Variants in APBB2 observed in about 807,000 individuals in gnomAD.
The protein encoded by APBB2 is amyloid beta precursor protein binding family B member 2.
In APBB2, 38 loss-of-function variants were observed where a neutral mutation model predicts 82.5. The observed-to-expected ratio is 0.46, with a 90% CI of 0.36 to 0.60. APBB2 has a LOEUF of 0.60. Among genes scored for constraint, APBB2 ranks in the 20% least tolerant of loss-of-function variants. The pLI, the probability that APBB2 is intolerant of heterozygous loss-of-function variation, is 0.00. For synonymous variants in APBB2, 341 were observed against 368.2 expected, an observed-to-expected ratio of 0.93 and a Z score of 0.85; for missense variants, 772 against 972.3, an observed-to-expected ratio of 0.79 and a Z score of 2.74.
intron 2 of APBB2, among the ~76,000 whole-genome samples, chr4:41,116,609 C>T (rs747816704): frequency 2.0e-5 from 3 of 151,718 alleles, no homozygotes; most frequent in Non-Finnish European, 2.9e-5. Context: ...CCAACATGGG[C>T]GACAAGAGCG....
At chr4:41,135,622 T>C (rs1192151865) in intron 2 of APBB2, among the ~76,000 whole-genome samples, 1 of 152,220 alleles carries the variant, frequency 6.6e-6, no homozygotes, top group Non-Finnish European at 1.5e-5. Context: ...CTTGTATCAG[T>C]AATTATATTA....
At chr4:41,069,303 G>A (rs1157323541) in intron 3 of APBB2, among the ~76,000 whole-genome samples, 2 of 152,122 alleles carry the variant, frequency 1.3e-5, no homozygotes, top group East Asian at 1.9e-4. Flanking sequence ...TCTCCTGAAC[G>A]CTTTTCCATC....
chr4:41,072,643 G>A (rs913320949), intron 3 of APBB2, among the ~76,000 whole-genome samples: 3 of 152,146 alleles, frequency 2.0e-5, no homozygotes, highest in African/African-American at 4.8e-5. Flanking sequence ...TTCAAATAGT[G>A]TTCCTTAAGC....
chr4:40,972,352 C>T (rs191569785), intron 6 of APBB2, among the ~76,000 whole-genome samples: 4,386 of 151,494 alleles, frequency 0.029, 225 homozygotes, highest in African/African-American at 0.1. Context: ...GGCATGAACC[C>T]GGGAGGCAGA....
chr4:41,045,802 T>C (rs1416659448), intron 4 of APBB2, among the ~76,000 whole-genome samples: 1 of 152,240 alleles, frequency 6.6e-6, no homozygotes, highest in Non-Finnish European at 1.5e-5. Flanking sequence ...GTCCGTTTCA[T>C]TCATTAGCAT....
At chr4:41,050,537 C>T (rs1725560657) in intron 4 of APBB2, among the ~76,000 whole-genome samples, 1 of 152,190 alleles carries the variant, frequency 6.6e-6, no homozygotes, top group Non-Finnish European at 1.5e-5. Flanking sequence ...TTCATCTTTC[C>T]TATGTAGCCA....
intron 2 of APBB2, among the ~76,000 whole-genome samples, chr4:41,109,043 T>C (rs115902454): frequency 2.7e-4 from 41 of 152,320 alleles, no homozygotes; most frequent in Non-Finnish European, 5.3e-4. Context: ...TTAAATATCT[T>C]TGCCACACAG....
rs1157928837 is a variant in APBB2, at chr4:41,036,880, A to T, written c.-50-3576T>A. Among the ~76,000 whole-genome samples the T allele has an allele frequency of 4.6e-5, 7 of 152,306 alleles. No individual in the cohort carries two copies. In the East Asian group the frequency reaches 7.7e-4, roughly 17 times the overall value. ...TTAAAACAGTTTCTGAGAGGAACTT[A>T]GGGGCATGGACTAATTCTACATAAA... is the stretch of plus-strand genomic sequence containing the variant. On this transcript the variant is annotated intron_variant, in intron 4 of 17. Coordinates refer to ENST00000508593, the MANE Select transcript of APBB2 (RefSeq NM_004307.2).
chr4:41,163,259 A>G (rs185840683), intron 1 of APBB2, among the ~76,000 whole-genome samples: 5 of 152,340 alleles, frequency 3.3e-5, no homozygotes, highest in Admixed American at 2.6e-4. Flanking sequence ...TAGACCACAT[A>G]TCTGCTGAGA....
chr4:40,947,163 C>G (rs565581102), intron 6 of APBB2, among the ~76,000 whole-genome samples: 7 of 152,176 alleles, frequency 4.6e-5, no homozygotes, highest in South Asian at 2.1e-4. Context: ...ATTTTGTTTT[C>G]GGCATCTCAA....
chr4:41,196,062 G>A, intron 1 of APBB2, among the ~76,000 whole-genome samples: 28 of 152,048 alleles, frequency 1.8e-4, no homozygotes, highest in Non-Finnish European at 3.5e-4. Context: ...GGGAGGCTGA[G>A]GCAAGAGAAT....
intron 3 of APBB2, among the ~76,000 whole-genome samples, chr4:41,096,802 A>G (rs1251034011): frequency 6.6e-6 from 1 of 152,254 alleles, no homozygotes; most frequent in Non-Finnish European, 1.5e-5. Flanking sequence ...TATAACGTCC[A>G]TTCCACTGCT....
intron 2 of APBB2, among the ~76,000 whole-genome samples, chr4:41,120,485 A>T (rs17527389): frequency 0.07 from 10,620 of 152,326 alleles, 535 homozygotes; most frequent in Non-Finnish European, 0.1. Flanking sequence ...CAGTGCTTCA[A>T]AACTTACGGG....
Position 40,893,292 on chromosome 4 carries a change from G to A in APBB2, c.1374C>T (p.Ile458=), listed in dbSNP as rs1030676838. 1 of 1,613,756 alleles carries A rather than the reference G, an allele frequency of 6.2e-7. No individual in the cohort carries two copies. Among genetic ancestry groups the A allele is most frequent in the African/African-American group, 1.3e-5 (1 of 74,998 alleles). The change falls in exon 11 of 18, where the codon ATC becomes ATT. Residue 458 remains isoleucine, a synonymous_variant. Transcript: ENST00000508593. ...IRQLSYCKND[I]RDTVGIWGEG... ...CTCCCCAAATCCCGACTGTGTCTCG[G>A]ATGTCATTTTTGCAGTAGGAAAGTT...
chr4:40,857,079 G>A (rs1282857703), intron 12 of APBB2: 3 of 985,524 alleles, frequency 3.0e-6, no homozygotes, highest in Non-Finnish European at 3.6e-6. Context: ...CAGGTGCTAC[G>A]ACAAGCCCCA....
intron 10 of APBB2, among the ~76,000 whole-genome samples, chr4:40,925,428 T>A (rs891958162): frequency 1.3e-5 from 2 of 152,194 alleles, no homozygotes; most frequent in Non-Finnish European, 2.9e-5. Context: ...TTGCCCAAGG[T>A]CATCCAGCTG....
At position 40,832,051 on chromosome 4, in the gene APBB2, CATAT is replaced by C. The variant is rs1193961587; in HGVS notation, c.1530-1478_1530-1475del. Among the ~76,000 whole-genome samples the C allele has an allele frequency of 6.7e-6, 1 of 149,206 alleles. No individual in the cohort carries two copies. The highest frequency in any genetic ancestry group is 1.5e-5 in the Non-Finnish European group (1 of 66,566). The stretch of plus-strand genomic sequence containing the variant: ...ACACACACACACACACACACACACA[CATAT>C]ACACCAAGCTTTACCCATCTAGGAA... On this transcript the variant is annotated intron_variant, in intron 12 of 17. Coordinates refer to ENST00000508593, the MANE Select transcript of APBB2 (RefSeq NM_004307.2). The surrounding 1 kb of genome is among the most constrained non-coding windows in gnomAD (Gnocchi z 4.8).
chr4:41,067,027 A>G (rs1454947824), intron 3 of APBB2, among the ~76,000 whole-genome samples: 2 of 152,226 alleles, frequency 1.3e-5, no homozygotes, highest in East Asian at 3.9e-4. Flanking sequence ...AAAGCAGAAC[A>G]CTAGGTTTAT....
chr4:41,169,513 G>C (rs982525973), intron 1 of APBB2, among the ~76,000 whole-genome samples: 2 of 152,168 alleles, frequency 1.3e-5, no homozygotes, highest in African/African-American at 4.8e-5. Context: ...TGAACCAAAT[G>C]AATTATCCTC....
Sources: gnomAD v4.1 joint callset for allele counts (sites outside exome capture counted in the v4.1 genomes callset) on GRCh38, gnomAD v4.1.1 for gene constraint, Gnocchi (gnomAD v3.1) non-coding constraint, MANE v1.5 for transcripts, NCBI Gene and HGNC (gene_info 2026-07-23, HGNC 2026-07-21) for gene names.